Variants in FOXP1 observed in about 807,000 individuals in gnomAD.
FOXP1 encodes the protein forkhead box P1.
In FOXP1, 15 loss-of-function variants were observed where a neutral mutation model predicts 98.2. That is an observed-to-expected ratio of 0.15 (90% CI 0.10 to 0.24). The LOEUF (loss-of-function observed/expected upper bound fraction) is 0.24, where lower values mean the gene tolerates loss of function less well. Among genes scored for constraint, FOXP1 ranks in the 10% least tolerant of loss-of-function variants. The probability of loss-of-function intolerance (pLI) is 1.00; values close to 1 mark genes in which losing one functional copy is unlikely to be tolerated. For missense variants in FOXP1, 633 were observed against 848.5 expected (o/e 0.75, Z 3.15); for synonymous variants, 371 against 314.5 (o/e 1.18, Z -1.90).
At chr3:70,997,291 TAGTC>T (rs1006612458) in intron 13 of FOXP1, among the ~76,000 whole-genome samples, 1 of 152,204 alleles carries the variant, frequency 6.6e-6, no homozygotes, top group African/African-American at 2.4e-5. Context: ...CAATGACTGG[TAGTC>T]AAGTAAGTTA....
chr3:71,382,254 G>A (rs973498447), intron 3 of FOXP1, among the ~76,000 whole-genome samples: 5 of 151,962 alleles, frequency 3.3e-5, no homozygotes, highest in Non-Finnish European at 5.9e-5. Flanking sequence ...CAACATGGGC[G>A]ACAGGGACCT....
At chr3:71,533,585 T>C (rs1371280438) in intron 2 of FOXP1, among the ~76,000 whole-genome samples, 2 of 152,168 alleles carry the variant, frequency 1.3e-5, no homozygotes, top group East Asian at 1.9e-4. Flanking sequence ...TTCGACTGTG[T>C]GGAAAATTGG....
chr3:71,011,708 G>A (rs568275470), intron 12 of FOXP1, among the ~76,000 whole-genome samples: 8 of 152,234 alleles, frequency 5.3e-5, no homozygotes, highest in Non-Finnish European at 1.0e-4. Flanking sequence ...TAAGTACCAG[G>A]AAATAACCAA....
chr3:71,546,820 T>C (rs1234428302), intron 2 of FOXP1, among the ~76,000 whole-genome samples: 1 of 152,222 alleles, frequency 6.6e-6, no homozygotes, highest in Non-Finnish European at 1.5e-5. Flanking sequence ...CTGCAAGGAC[T>C]ACCCAGAGCC....
chr3:71,521,194 C>T (rs1412924743), intron 2 of FOXP1, among the ~76,000 whole-genome samples: 1 of 152,062 alleles, frequency 6.6e-6, no homozygotes, highest in Non-Finnish European at 1.5e-5. Context: ...GGGAAGGCCA[C>T]TGAGATATGT....
intron 6 of FOXP1, among the ~76,000 whole-genome samples, chr3:71,189,306 C>G (rs1034591244): frequency 6.6e-6 from 1 of 152,166 alleles, no homozygotes; most frequent in Admixed American, 6.5e-5. Flanking sequence ...GAGATAAGCC[C>G]ATTCCATGAT....
Position 71,441,847 on chromosome 3 carries a change from C to T in FOXP1, c.-168+51579G>A, listed in dbSNP as rs139145269. Among the ~76,000 whole-genome samples, 390 of 152,310 alleles carry T rather than the reference C, an allele frequency of 2.6e-3. 1 individual carries two copies. Among genetic ancestry groups the T allele is most frequent in the Middle Eastern group, 0.014 (4 of 294 alleles). ...CTTCAACATCTTGGCAGCCTATCAA[C>T]CCCACTCAGACTGCAGAAGAATGTT... On this transcript the variant is annotated intron_variant, in intron 3 of 20. Coordinates refer to ENST00000649528, the MANE Select transcript of FOXP1 (RefSeq NM_001349338.3).
intron 2 of FOXP1, among the ~76,000 whole-genome samples, chr3:71,524,455 G>C: frequency 6.6e-6 from 1 of 151,868 alleles, no homozygotes; most frequent in Non-Finnish European, 1.5e-5. Context: ...CAGAACCAGA[G>C]GGGCCTGGAA....
chr3:71,402,217 G>A (rs1293208867), intron 3 of FOXP1, among the ~76,000 whole-genome samples: 1 of 152,228 alleles, frequency 6.6e-6, no homozygotes, highest in African/African-American at 2.4e-5. Context: ...CACTTTGGGA[G>A]GCTGAGGCAG....
At chr3:70,980,888 C>T (rs2038717598) in intron 14 of FOXP1, among the ~76,000 whole-genome samples, 1 of 152,172 alleles carries the variant, frequency 6.6e-6, no homozygotes, top group Admixed American at 6.5e-5. Flanking sequence ...TTCTCGGCTT[C>T]TCTTTTCAGT....
At chr3:71,325,062 T>TC in intron 4 of FOXP1, among the ~76,000 whole-genome samples, 1 of 151,280 alleles carries the variant, frequency 6.6e-6, no homozygotes, top group Admixed American at 6.6e-5. Flanking sequence ...GATTTTTTTT[T>TC]TTTTTTTTGA....
At chr3:70,977,078 C>G (rs1402621126) in intron 16 of FOXP1, 36 bp from the exon 17 acceptor site, 3 of 1,368,034 alleles carry the variant, frequency 2.2e-6, no homozygotes, top group African/African-American at 2.9e-5. Flanking sequence ...TAATTTATGA[C>G]CAAATCAGCA....
intron 4 of FOXP1, among the ~76,000 whole-genome samples, chr3:71,356,550 G>A (rs534096015): frequency 6.6e-6 from 1 of 152,320 alleles, no homozygotes; most frequent in African/African-American, 2.4e-5. Context: ...TGGCATTTAT[G>A]ATGTACCAGG....
At chr3:71,252,275 T>A (rs2068261939) in intron 5 of FOXP1, among the ~76,000 whole-genome samples, 1 of 152,142 alleles carries the variant, frequency 6.6e-6, no homozygotes, top group Non-Finnish European at 1.5e-5. Context: ...AACCCCACAC[T>A]CAGACATTAT....
chr3:71,275,595 C>T lies in FOXP1; in HGVS notation c.-12+24225G>A, dbSNP rs58010243. On this transcript the variant is annotated intron_variant, in intron 5 of 20. Transcript: ENST00000649528. ...CAGACAAGCAGGTGTCTTTGATGGACGCTGAGAACAAAACATACCGAGGCA... is the reference window on the plus strand; with the variant it reads ...CAGACAAGCAGGTGTCTTTGATGGATGCTGAGAACAAAACATACCGAGGCA... 3.1e-4 allele frequency among the ~76,000 whole-genome samples: 47 copies of T among 152,294 alleles called. 1 individual carries two copies. In the East Asian group the frequency reaches 6.9e-3, roughly 22 times the overall value.
chr3:71,293,967 A>T (rs748829294), intron 5 of FOXP1, among the ~76,000 whole-genome samples: 9 of 152,236 alleles, frequency 5.9e-5, no homozygotes, highest in Non-Finnish European at 7.3e-5. Context: ...TAAAAATTTT[A>T]AATGCCTAGA....
chr3:71,134,987 G>A (rs929497781), intron 6 of FOXP1, among the ~76,000 whole-genome samples: 7 of 152,022 alleles, frequency 4.6e-5, no homozygotes, highest in South Asian at 2.1e-4. Flanking sequence ...GGCCAGGCAC[G>A]GTGGCTCACG....
chr3:71,120,227 G>A (rs1298999753), intron 6 of FOXP1, among the ~76,000 whole-genome samples: 7 of 152,148 alleles, frequency 4.6e-5, no homozygotes, highest in African/African-American at 1.4e-4. Flanking sequence ...GCAAATAAGG[G>A]TGTGGACTCT....
intron 2 of FOXP1, among the ~76,000 whole-genome samples, chr3:71,502,603 A>T (rs73837364): frequency 0.063 from 9,589 of 152,258 alleles, 348 homozygotes; most frequent in South Asian, 0.12. Flanking sequence ...GTATCTATTC[A>T]AAGGCTTGAA....
Sources: allele counts gnomAD v4.1 joint callset (sites outside exome capture counted in the v4.1 genomes callset), GRCh38; gene constraint gnomAD v4.1.1; transcripts MANE v1.5; gene names NCBI Gene and HGNC (gene_info 2026-07-23, HGNC 2026-07-21).